The following TENM1 variants were observed in gnomAD, a reference collection of about 807,000 sequenced individuals.
TENM1 encodes teneurin transmembrane protein 1, also known as teneurin-1.
TENM1 carries 35 observed loss-of-function variants against 174.8 expected under a neutral mutation model. That is an observed-to-expected ratio of 0.20 (90% confidence interval 0.15 to 0.27). The LOEUF (loss-of-function observed/expected upper bound fraction) is 0.27, where lower values mean the gene tolerates loss of function less well. Ranked by LOEUF, TENM1 falls within the 10% of genes least tolerant of loss-of-function variation. The pLI is 1.00. For missense variants in TENM1, 1,633 were observed against 2,130.1 expected, an observed-to-expected ratio of 0.77 and a Z score of 4.59; for synonymous variants, 781 against 798.7, an observed-to-expected ratio of 0.98 and a Z score of 0.37.
At chrX:124,940,696 C>T (rs1489417473) in intron 1 of TENM1, among the ~76,000 whole-genome samples, 1 of 111,036 alleles carries the variant, frequency 9.0e-6, no homozygotes, top group Non-Finnish European at 1.9e-5. Context: ...TGAATCTTGG[C>T]AGACGACATT....
At chrX:125,028,339 A>G in the TENM1 span, among the ~76,000 whole-genome samples, 1 of 112,544 alleles carries the variant, frequency 8.9e-6, no homozygotes, top group African/African-American at 3.2e-5. Flanking sequence ...ATTGAAGAAG[A>G]ATATGTGTTT....
chrX:125,042,410 C>T, the TENM1 span, among the ~76,000 whole-genome samples: 1 of 111,204 alleles, frequency 9.0e-6, no homozygotes, highest in African/African-American at 3.3e-5. Flanking sequence ...TAATTTCACA[C>T]AATATTCTGA....
At chrX:124,765,923 C>T (rs979685807) in intron 3 of TENM1, among the ~76,000 whole-genome samples, 2 of 111,568 alleles carry the variant, frequency 1.8e-5, no homozygotes, top group African/African-American at 3.3e-5. Flanking sequence ...GACTAGATAC[C>T]GTCACGGAAA....
At chrX:124,715,575 C>A (rs1356735664) in intron 4 of TENM1, among the ~76,000 whole-genome samples, 5 of 110,562 alleles carry the variant, frequency 4.5e-5, no homozygotes, top group Non-Finnish European at 9.5e-5. Flanking sequence ...GAGTATTATA[C>A]ACTTTTATTA....
At chrX:124,892,156 A>G (rs2057487404) in intron 3 of TENM1, among the ~76,000 whole-genome samples, 1 of 111,913 alleles carries the variant, frequency 8.9e-6, no homozygotes, top group African/African-American at 3.2e-5. Flanking sequence ...GAATGAAGCT[A>G]ACTTGAATGA....
At chrX:124,464,979 C>T (rs1194502008) in intron 22 of TENM1, among the ~76,000 whole-genome samples, 3 of 111,452 alleles carry the variant, frequency 2.7e-5, no homozygotes, top group Non-Finnish European at 5.6e-5. Flanking sequence ...CCTCTAAACT[C>T]AAATATCCAG....
chrX:124,877,723 G>A (rs985693351), intron 3 of TENM1, among the ~76,000 whole-genome samples: 3 of 111,278 alleles, frequency 2.7e-5, no homozygotes, highest in African/African-American at 9.8e-5. Context: ...CTTGAGCAGT[G>A]CAGGGGTTAG....
chrX:125,005,748 G>T, the TENM1 span, among the ~76,000 whole-genome samples: 2 of 110,627 alleles, frequency 1.8e-5, no homozygotes, highest in Non-Finnish European at 3.8e-5. Context: ...GAAGCAGGAT[G>T]GGACGTCGCT....
intron 5 of TENM1, among the ~76,000 whole-genome samples, chrX:124,691,586 A>G (rs140700778): frequency 0.011 from 1,196 of 111,935 alleles, 15 homozygotes; most frequent in African/African-American, 0.036. Flanking sequence ...AAAAGTTGCC[A>G]CTTACAGTTT....
intron 1 of TENM1, among the ~76,000 whole-genome samples, chrX:124,907,465 A>G (rs940136177): frequency 2.7e-5 from 3 of 112,188 alleles, no homozygotes; most frequent in African/African-American, 6.5e-5. Context: ...GGTAGACTCA[A>G]TGATATCGGT....
intron 3 of TENM1, among the ~76,000 whole-genome samples, chrX:124,796,134 A>C (rs143628067): frequency 0.012 from 1,390 of 111,669 alleles, 31 homozygotes; most frequent in African/African-American, 0.043. Flanking sequence ...AAATAATATT[A>C]AGAAAATTCA....
chrX:124,798,134 C>T (rs746564760), intron 3 of TENM1, among the ~76,000 whole-genome samples: 51 of 111,762 alleles, frequency 4.6e-4, no homozygotes, highest in African/African-American at 1.6e-3. Flanking sequence ...CTATTGTGAA[C>T]AGTGCTGCAA....
intron 3 of TENM1, among the ~76,000 whole-genome samples, chrX:124,755,111 G>A (rs1443480533): frequency 9.9e-6 from 1 of 101,327 alleles, no homozygotes; most frequent in Non-Finnish European, 1.9e-5. Context: ...CATTATTATT[G>A]TGTGGGAGTC....
chrX:124,578,955 T>C (rs1052229450), intron 11 of TENM1, among the ~76,000 whole-genome samples: 1 of 112,321 alleles, frequency 8.9e-6, no homozygotes, highest in African/African-American at 3.2e-5. Flanking sequence ...CTGCTGTCCA[T>C]CTTCTTTCAC....
chrX:124,735,946 G>C (rs1048158775), intron 4 of TENM1, among the ~76,000 whole-genome samples: 1 of 111,317 alleles, frequency 9.0e-6, no homozygotes, highest in East Asian at 2.8e-4. Context: ...GAGGATGGGC[G>C]GGGAGTGAGG....
intron 11 of TENM1, among the ~76,000 whole-genome samples, chrX:124,584,797 T>C (rs1358268108): frequency 1.8e-5 from 2 of 109,361 alleles, no homozygotes; most frequent in East Asian, 2.8e-4. Context: ...ACCCATCTCA[T>C]GTGCAGAGAC....
intron 14 of TENM1, among the ~76,000 whole-genome samples, chrX:124,552,074 T>C (rs1312513313): frequency 8.9e-6 from 1 of 112,194 alleles, no homozygotes; most frequent in Non-Finnish European, 1.9e-5. Flanking sequence ...AAACTTTTCA[T>C]TCATTGGATT....
At chrX:124,542,150 C>A (rs1316298091) in intron 15 of TENM1, among the ~76,000 whole-genome samples, 1 of 112,498 alleles carries the variant, frequency 8.9e-6, no homozygotes, top group African/African-American at 3.2e-5. Context: ...ATAAGCCATG[C>A]TAGCCATGCC....
intron 3 of TENM1, among the ~76,000 whole-genome samples, chrX:124,837,055 T>A: frequency 8.9e-6 from 1 of 112,410 alleles, no homozygotes; most frequent in Non-Finnish European, 1.9e-5. Flanking sequence ...CTGGGTTTTG[T>A]CATCCAACTA....
Sources: gnomAD v4.1 joint callset for allele counts (sites outside exome capture counted in the v4.1 genomes callset) on GRCh38, gnomAD v4.1.1 for gene constraint, MANE v1.5 for transcripts, NCBI Gene and HGNC (gene_info 2026-07-23, HGNC 2026-07-21) for gene names.